Variants in MACROD1 observed in about 807,000 individuals in gnomAD.
MACROD1 encodes mono-ADP ribosylhydrolase 1.
Under a neutral mutation model 41.4 loss-of-function variants are expected in MACROD1, and 31 were observed. That is an observed-to-expected ratio of 0.75 (90% confidence interval 0.56 to 1.01). The LOEUF (loss-of-function observed/expected upper bound fraction) is 1.01, where lower values mean the gene tolerates loss of function less well. Ranked by LOEUF, MACROD1 falls within the 50% of genes least tolerant of loss-of-function variation. MACROD1 has a pLI of 0.00. For synonymous variants in MACROD1, 252 were observed against 203.4 expected (o/e 1.24, Z -2.03); for missense variants, 473 against 460.0 (o/e 1.03, Z -0.26).
chr11:64,139,606 C>G (rs1417558570), intron 3 of MACROD1, among the ~76,000 whole-genome samples: 1 of 152,146 alleles, frequency 6.6e-6, no homozygotes, highest in Non-Finnish European at 1.5e-5. Context: ...TGTGGTAATG[C>G]ATTTTTTTCC....
At chr11:64,041,360 C>CGCCTGGGAAATGCT (rs1017897713) in intron 3 of MACROD1, among the ~76,000 whole-genome samples, 3 of 151,890 alleles carry the variant, frequency 2.0e-5, no homozygotes, top group African/African-American at 7.3e-5. Context: ...CCCCCCGTGA[C>CGCCTGGGAAATGCT]GCCTGGGAAA....
rs544556411 is a variant in MACROD1 at position 64,120,270 on chromosome 11, G to A, written c.517+30969C>T. ...CACTCCCCAGCCCTGGGGAACAGCC[G>A]AGCAGCGTGGTCACGTTTCACTCGA... On this transcript the variant is annotated intron_variant, in intron 3 of 10. Transcript: ENST00000255681. This position sits in a 1 kb window ranked among gnomAD's most constrained non-coding sequence, Gnocchi z 4.5. Among the ~76,000 whole-genome samples the A allele has an allele frequency of 5.3e-5, 8 of 152,314 alleles. No individual in the cohort carries two copies. The South Asian group carries it at 1.4e-3, about 28-fold the overall frequency.
chr11:64,046,504 C>T (rs1014186348), intron 3 of MACROD1, among the ~76,000 whole-genome samples: 11 of 152,172 alleles, frequency 7.2e-5, no homozygotes, highest in Non-Finnish European at 1.2e-4. Flanking sequence ...TGGGACCCTG[C>T]GCTGTGCTCC....
intron 4 of MACROD1, chr11:64,001,554 T>A (rs1371599220): frequency 1.4e-6 from 1 of 702,432 alleles, no homozygotes; most frequent in Non-Finnish European, 2.6e-6. Context: ...CTGTTTGATC[T>A]CGTGCCCTGG....
At chr11:64,002,236 C>A in intron 4 of MACROD1, among the ~76,000 whole-genome samples, 1 of 152,186 alleles carries the variant, frequency 6.6e-6, no homozygotes, top group East Asian at 1.9e-4. Flanking sequence ...ACCGGCTGCT[C>A]GAAGTCTCTG....
intron 4 of MACROD1, among the ~76,000 whole-genome samples, chr11:64,015,002 G>A (rs898052134): frequency 2.0e-5 from 3 of 152,210 alleles, no homozygotes; most frequent in African/African-American, 7.2e-5. Flanking sequence ...CCACACTTGT[G>A]GCCCCTGCCC....
chr11:64,067,881 C>A lies in MACROD1; in HGVS notation c.518-52600G>T, dbSNP rs569738140. Among the ~76,000 whole-genome samples, 6 of 152,252 alleles carry A rather than the reference C, an allele frequency of 3.9e-5. No homozygotes were observed. In the East Asian group the frequency reaches 1.2e-3, roughly 29 times the overall value. On this transcript the variant is annotated intron_variant, in intron 3 of 10. Coordinates refer to ENST00000255681, the MANE Select transcript of MACROD1 (RefSeq NM_014067.4). The surrounding 1 kb of genome is among the most constrained non-coding windows in gnomAD (Gnocchi z 4.6). Reference sequence around the variant, plus strand: ...GAGCGGCCCACTTCCTGCTGCTGTCCATTTAGCCAGCGGTTCGCTCGGCTT... The same window carrying A: ...GAGCGGCCCACTTCCTGCTGCTGTCAATTTAGCCAGCGGTTCGCTCGGCTT...
chr11:64,121,337 G>A lies in MACROD1; in HGVS notation c.517+29902C>T, dbSNP rs1945095157. Among the ~76,000 whole-genome samples, 4 of 152,202 alleles carry A rather than the reference G, an allele frequency of 2.6e-5. No homozygotes were observed. The South Asian group carries it at 8.3e-4, about 31-fold the overall frequency. ...TACCAGACCCTGCCTGCCTCATCGT[G>A]GGGATCACCCACCCACTGGCGCTCT... On this transcript the variant is annotated intron_variant, in intron 3 of 10. Coordinates refer to ENST00000255681, the MANE Select transcript of MACROD1 (RefSeq NM_014067.4).
chr11:64,113,964 A>G (rs577957538), intron 3 of MACROD1, among the ~76,000 whole-genome samples: 4 of 144,020 alleles, frequency 2.8e-5, no homozygotes, highest in South Asian at 2.3e-4. Context: ...GGATGGATGG[A>G]TAATTGGATG....
intron 4 of MACROD1, chr11:64,001,336 C>A (rs1211567569): frequency 3.0e-6 from 2 of 668,010 alleles, no homozygotes; most frequent in Admixed American, 4.5e-5. Flanking sequence ...GCGTGCTGGC[C>A]GGGAGGACAG....
intron 3 of MACROD1, chr11:64,149,152 G>A: frequency 7.7e-6 from 3 of 387,110 alleles, no homozygotes; most frequent in Non-Finnish European, 1.1e-5. Flanking sequence ...GCACCGCTGG[G>A]ACAGGGGTGA....
At chr11:64,113,875 G>GATGGATGA (rs1294649679) in intron 3 of MACROD1, among the ~76,000 whole-genome samples, 1 of 145,008 alleles carries the variant, frequency 6.9e-6, no homozygotes, top group Admixed American at 6.8e-5. Flanking sequence ...TTGATACATG[G>GATGGATGA]ATGGATGGAT....
At chr11:64,001,377 G>T (rs925808089) in intron 4 of MACROD1, 4 of 700,626 alleles carry the variant, frequency 5.7e-6, no homozygotes, top group African/African-American at 1.7e-5. Context: ...GATCGCCCAC[G>T]CCAGGAGCTC....
intron 3 of MACROD1, among the ~76,000 whole-genome samples, chr11:64,022,325 G>T (rs555148495): frequency 2.6e-5 from 4 of 152,132 alleles, no homozygotes; most frequent in African/African-American, 9.6e-5. Context: ...AGCCTCCTTG[G>T]TGCTCCCACA....
chr11:64,075,244 G>A (rs1449708977), intron 3 of MACROD1, among the ~76,000 whole-genome samples: 2 of 152,238 alleles, frequency 1.3e-5, no homozygotes, highest in Non-Finnish European at 2.9e-5. Context: ...AGGGACTCCT[G>A]GACCATGTCT....
intron 4 of MACROD1, chr11:64,001,675 C>T (rs550556546): frequency 2.0e-4 from 139 of 702,024 alleles, no homozygotes; most frequent in South Asian, 2.0e-3. Flanking sequence ...CTGAGAACGG[C>T]TCAGGCCTGG....
intron 3 of MACROD1, among the ~76,000 whole-genome samples, chr11:64,073,395 G>C (rs149307720): frequency 6.6e-6 from 1 of 152,342 alleles, no homozygotes; most frequent in East Asian, 1.9e-4. Context: ...CCAGAGACCT[G>C]TCTTTGAACC....
chr11:64,143,046 G>T (rs1165230357), intron 3 of MACROD1, among the ~76,000 whole-genome samples: 1 of 150,644 alleles, frequency 6.6e-6, no homozygotes, highest in Admixed American at 6.6e-5. Flanking sequence ...CCCAGGAGGT[G>T]GAGGCTGCAG....
rs1435750875 is a variant in MACROD1, at chr11:64,165,759, G to A, written c.236C>T (p.Ala79Val). The change falls in exon 1 of 11, where the codon GCC (alanine) becomes GTC (valine). Residue 79 changes from alanine (A) to valine (V), a missense_variant. Physicochemically the swap from Ala to Val is moderately conservative, Grantham distance 64. Transcript: ENST00000255681. ...VGRTAGVRTW[A>V]PLAMAAKVDL... is the part of the protein sequence containing the mutation. ...CACCTTCGCCGCCATGGCCAGGGGG[G>A]CCCAAGTGCGCACCCCGGCTGTCCG... 3 of 1,498,328 alleles carry A rather than the reference G, an allele frequency of 2.0e-6. No homozygotes were observed. The highest frequency in any genetic ancestry group is 1.5e-5 in the African/African-American group (1 of 68,592). 92.8% of individuals were successfully genotyped at this position (1,498,328 alleles called of 1,614,324 possible).
Sources: allele counts gnomAD v4.1 joint callset (sites outside exome capture counted in the v4.1 genomes callset), GRCh38; gene constraint gnomAD v4.1.1; non-coding constraint Gnocchi (gnomAD v3.1); transcripts MANE v1.5; gene names NCBI Gene and HGNC (gene_info 2026-07-23, HGNC 2026-07-21).